Variants in FRY observed in about 807,000 individuals in gnomAD.
The protein encoded by FRY is protein furry homolog.
Under a neutral mutation model 348.4 loss-of-function variants are expected in FRY, and 128 were observed. The observed-to-expected ratio is 0.37, with a 90% confidence interval of 0.32 to 0.43. The LOEUF is 0.43. Among genes scored for constraint, FRY ranks in the 20% least tolerant of loss-of-function variants. FRY has a pLI of 1.00. For synonymous variants in FRY, 1,370 were observed against 1,374.7 expected (o/e 1.00, Z 0.08); for missense variants, 2,736 against 3,695.2 (o/e 0.74, Z 6.73).
At chr13:32,083,230 A>T (rs984044303) in intron 2 of FRY, among the ~76,000 whole-genome samples, 3 of 152,040 alleles carry the variant, frequency 2.0e-5, no homozygotes, top group African/African-American at 7.2e-5. Context: ...TTACCTACCT[A>T]TTGAGAATTT....
chr13:32,135,253 G>A (rs1308707860), intron 10 of FRY, 70 bp downstream of exon 10: 3 of 957,332 alleles, frequency 3.1e-6, no homozygotes, highest in Non-Finnish European at 5.1e-6. Context: ...ACAGGAATCT[G>A]TTTGAGGATC....
chr13:32,081,993 T>C (rs1875529491), intron 2 of FRY, among the ~76,000 whole-genome samples: 1 of 152,216 alleles, frequency 6.6e-6, no homozygotes, highest in African/African-American at 2.4e-5. Context: ...TCTATTATTC[T>C]TAACTAAATA....
chr13:32,283,485 G>A (rs955751658), intron 58 of FRY, among the ~76,000 whole-genome samples: 13 of 152,296 alleles, frequency 8.5e-5, no homozygotes, highest in African/African-American at 3.1e-4. Flanking sequence ...AAAAGAAAAC[G>A]GGAAAGAGTA....
intron 3 of FRY, 25 bp from the exon 4 acceptor site, chr13:32,117,309 T>C: frequency 6.2e-7 from 1 of 1,612,454 alleles, no homozygotes; most frequent in South Asian, 1.1e-5. Context: ...ACCAGTGTTC[T>C]AATCACCTGC....
rs995162216 is a variant in FRY at position 32,031,988 on chromosome 13, T to C, written c.70+123T>C. 13 of 625,264 alleles carry C rather than the reference T, an allele frequency of 2.1e-5. No individual in the cohort carries two copies. In the African/African-American group the frequency reaches 2.3e-4, roughly 11 times the overall value. 38.7% of individuals were successfully genotyped at this position (625,264 alleles called of 1,614,324 possible). Reference sequence around the variant, plus strand: ...CGCGGAAGTTTTTCTTTTTTTCTTTTCTTTTCTTTTCTCTTTCTTTCTTTC... The same window carrying C: ...CGCGGAAGTTTTTCTTTTTTTCTTTCCTTTTCTTTTCTCTTTCTTTCTTTC... On this transcript the variant is annotated intron_variant, in intron 1 of 60. Coordinates refer to ENST00000542859, the MANE Select transcript of FRY (RefSeq NM_023037.3).
chr13:32,116,554 A>G (rs1285290390), intron 3 of FRY, among the ~76,000 whole-genome samples: 3 of 152,320 alleles, frequency 2.0e-5, no homozygotes, highest in African/African-American at 4.8e-5. Flanking sequence ...ATACAAAGTC[A>G]CAAAGGTTTT....
intron 55 of FRY, among the ~76,000 whole-genome samples, chr13:32,273,282 C>G (rs533896506): frequency 7.0e-6 from 1 of 143,494 alleles, no homozygotes; most frequent in South Asian, 2.2e-4. Flanking sequence ...AGTGCAGTGG[C>G]GCAATCTCGG....
At position 32,117,320 on chromosome 13, in the gene FRY, A is replaced by G. The variant is rs781534636; in HGVS notation, c.325-14A>G. 6.2e-7 allele frequency: 1 copy of G among 1,613,540 alleles called. No homozygotes were observed. ...TGCTACCAGTGTTCTAATCACCTGC[A>G]TTTTCCTCCATAGGTCATCAGCTCA... On this transcript the variant is annotated splice_polypyrimidine_tract_variant and intron_variant, in intron 3 of 60. Coordinates refer to ENST00000542859, the MANE Select transcript of FRY (RefSeq NM_023037.3).
At chr13:32,168,168 G>A (rs997760203) in intron 17 of FRY, among the ~76,000 whole-genome samples, 1 of 152,194 alleles carries the variant, frequency 6.6e-6, no homozygotes, top group African/African-American at 2.4e-5. Flanking sequence ...ATTCTTGTCT[G>A]AAGGCCGGCA....
At chr13:32,129,884 C>A (rs1287285529) in intron 7 of FRY, among the ~76,000 whole-genome samples, 1 of 152,188 alleles carries the variant, frequency 6.6e-6, no homozygotes, top group African/African-American at 2.4e-5. Context: ...TCACGCCCCA[C>A]TTGCCAACCA....
intron 49 of FRY, 149 bp from the exon 50 acceptor site, chr13:32,251,729 T>C (rs1158711434): frequency 1.5e-6 from 1 of 669,278 alleles, no homozygotes; most frequent in African/African-American, 1.8e-5. Context: ...AATTGCTATT[T>C]GTGTTCTTTT....
chr13:32,142,551 C>T (rs1262776067), intron 11 of FRY, among the ~76,000 whole-genome samples: 1 of 151,952 alleles, frequency 6.6e-6, no homozygotes, highest in African/African-American at 2.4e-5. Flanking sequence ...ATTGGGCCTT[C>T]CCTCATTTAT....
chr13:32,091,925 C>T (rs918415987), intron 2 of FRY, among the ~76,000 whole-genome samples: 1 of 152,230 alleles, frequency 6.6e-6, no homozygotes, highest in Non-Finnish European at 1.5e-5. Context: ...ACACCCTTAA[C>T]TGCTACATCC....
At chr13:32,103,526 G>A (rs966999035) in intron 3 of FRY, among the ~76,000 whole-genome samples, 2 of 152,158 alleles carry the variant, frequency 1.3e-5, no homozygotes, top group African/African-American at 2.4e-5. Context: ...GGAAGCGGGA[G>A]GGATAGCATT....
rs556944012 is a variant in FRY, at chr13:32,058,779, TA to T, written c.71-20046del. Among the ~76,000 whole-genome samples, 579 of 151,518 alleles carry T rather than the reference TA, an allele frequency of 3.8e-3. 3 individuals carry two copies. The highest frequency in any genetic ancestry group is 8.0e-3 in the African/African-American group (329 of 41,346). ...ATTTTGGATATGCAGGATATCTGGGTAAAAAAAAATATGTATACATTATTTG... is the reference window on the plus strand; with the variant it reads ...ATTTTGGATATGCAGGATATCTGGGTAAAAAAAATATGTATACATTATTTG... On this transcript the variant is annotated intron_variant, in intron 1 of 60. Transcript: ENST00000542859.
intron 2 of FRY, among the ~76,000 whole-genome samples, chr13:32,093,286 T>G (rs1376789492): frequency 6.6e-6 from 1 of 152,214 alleles, no homozygotes; most frequent in African/African-American, 2.4e-5. Flanking sequence ...AACTGCCAAT[T>G]GTATCATGAA....
intron 53 of FRY, among the ~76,000 whole-genome samples, chr13:32,264,039 TCATCCTAC>T (rs1440482934): frequency 2.5e-4 from 38 of 152,246 alleles, no homozygotes; most frequent in Middle Eastern, 6.8e-3. Flanking sequence ...GTAATAGATC[TCATCCTAC>T]CAAGGAAAAG....
intron 55 of FRY, among the ~76,000 whole-genome samples, chr13:32,271,599 C>G (rs1888206720): frequency 1.3e-5 from 2 of 152,214 alleles, no homozygotes; most frequent in African/African-American, 4.8e-5. Flanking sequence ...CCACTGGGGA[C>G]TCTCTAGCAA....
At chr13:32,274,430 A>G (rs568915205) in intron 55 of FRY, among the ~76,000 whole-genome samples, 80 of 152,252 alleles carry the variant, frequency 5.3e-4, no homozygotes, top group African/African-American at 1.6e-3. Context: ...AATCAGGGCC[A>G]GACGCAGTGG....
Sources: gnomAD v4.1 joint callset for allele counts (sites outside exome capture counted in the v4.1 genomes callset) on GRCh38, gnomAD v4.1.1 for gene constraint, MANE v1.5 for transcripts, NCBI Gene and HGNC (gene_info 2026-07-23, HGNC 2026-07-21) for gene names.